The following DIPK1C variants were observed in gnomAD, a reference collection of about 807,000 sequenced individuals.
The protein encoded by DIPK1C is familial non-conventional Alzheimer's dementia.
In DIPK1C, 33 loss-of-function variants were observed where a neutral mutation model predicts 28.0. The observed-to-expected ratio is 1.18, with a 90% CI of 0.89 to 1.58. The LOEUF (loss-of-function observed/expected upper bound fraction) is 1.58, where lower values mean the gene tolerates loss of function less well. Ranked by LOEUF, DIPK1C falls within the 40% of genes most tolerant of loss-of-function variation. DIPK1C has a pLI of 0.00. For missense variants in DIPK1C, 569 were observed against 568.5 expected, an observed-to-expected ratio of 1.00 and a Z score of -0.01; for synonymous variants, 255 against 248.8, an observed-to-expected ratio of 1.02 and a Z score of -0.23.
At chr18:74,442,330 C>CT (rs113419163) in intron 2 of DIPK1C, among the ~76,000 whole-genome samples, 4,180 of 150,836 alleles carry the variant, frequency 0.028, 212 homozygotes, top group African/African-American at 0.096. Context: ...TTTTCTTTTT[C>CT]TTTTTTTTTT....
In DIPK1C at chr18:74,447,154, C is replaced by T. The variant is rs766582622; in HGVS notation, c.328G>A (p.Gly110Ser). The change falls in exon 2 of 4, where the codon GGC (glycine) becomes AGC (serine). Residue 110 changes from glycine to serine, a missense_variant. Gly to Ser is a moderately conservative substitution (Grantham distance 56). Transcript: ENST00000343998. This position sits in a 1 kb window ranked among gnomAD's most constrained non-coding sequence, Gnocchi z 4.1. ...TTGGACTTGAGGACCACGGGCCGGCCGCGCCAGTCGGCCTGCAGCACCTTC... is the reference window on the plus strand; with the variant it reads ...TTGGACTTGAGGACCACGGGCCGGCTGCGCCAGTCGGCCTGCAGCACCTTC... ...GKKVLQADWR[G>S]RPVVLKSKEE... 1.4e-5 allele frequency: 21 copies of T among 1,550,448 alleles called. No individual in the cohort carries two copies. Among genetic ancestry groups the T allele is most frequent in the African/African-American group, 4.1e-5 (3 of 73,068 alleles).
rs547751278 is a variant in DIPK1C, at chr18:74,452,003, G to C, written c.199-4720C>G. The stretch of plus-strand genomic sequence containing the variant: ...CTCAGAACACTTACGTCAGCCTATG[G>C]CAGGGCAAAATCATCTCATACAAAG... On this transcript the variant is annotated intron_variant, in intron 1 of 3. Coordinates refer to ENST00000343998, the MANE Select transcript of DIPK1C (RefSeq NM_001044369.3). Among the ~76,000 whole-genome samples the C allele has an allele frequency of 2.6e-5, 4 of 152,282 alleles. 1 individual carries two copies. The highest frequency in any genetic ancestry group is 9.6e-5 in the African/African-American group (4 of 41,562).
intron 2 of DIPK1C, among the ~76,000 whole-genome samples, chr18:74,443,187 T>C (rs933786300): frequency 2.0e-5 from 3 of 152,256 alleles, no homozygotes; most frequent in East Asian, 3.9e-4. Context: ...CAAACAGACT[T>C]CAAAACCAGA....
In DIPK1C at chr18:74,440,069, C is replaced by T. The variant is rs1409746531; in HGVS notation, c.1041+1883G>A. On this transcript the variant is annotated intron_variant, in intron 3 of 3. Coordinates refer to ENST00000343998, the MANE Select transcript of DIPK1C (RefSeq NM_001044369.3). ...ACGCCATTCTCCTGCCTCAGCCTCCCGAGTAGCTGGGACTGCAGGCGCCCG... is the reference window on the plus strand; with the variant it reads ...ACGCCATTCTCCTGCCTCAGCCTCCTGAGTAGCTGGGACTGCAGGCGCCCG... Among the ~76,000 whole-genome samples the T allele has an allele frequency of 4.0e-5, 6 of 151,786 alleles. No homozygotes were observed. The East Asian group carries it at 7.8e-4, about 20-fold the overall frequency.
In DIPK1C at chr18:74,447,073, C is replaced by T; in HGVS notation, c.409G>A (p.Glu137Lys). 1 of 1,550,414 alleles carries T rather than the reference C, an allele frequency of 6.4e-7. No individual in the cohort carries two copies. The highest frequency in any genetic ancestry group is 8.7e-7 in the Non-Finnish European group (1 of 1,146,932). The part of the protein sequence containing the change: ...PLSLLEEEAG[E>K]GGQDMPEAEL... ...GCCTCGGGCATGTCCTGGCCACCCT[C>T]CCCTGCCTCCTCTTCCAACAGGCTG... is the stretch of plus-strand genomic sequence containing the variant. Residue 137 changes from glutamate (E) to lysine (K), a missense_variant, in exon 2 of 4, where the codon GAG becomes AAG. Transcript: ENST00000343998. This position sits in a 1 kb window ranked among gnomAD's most constrained non-coding sequence, Gnocchi z 4.1.
the DIPK1C span, among the ~76,000 whole-genome samples, chr18:74,463,770 C>T: frequency 1.2e-4 from 18 of 152,318 alleles, no homozygotes; most frequent in East Asian, 7.7e-4. Context: ...CAGCAAATAA[C>T]GTGCAACTCT....
At chr18:74,440,758 T>A (rs1331453221) in intron 3 of DIPK1C, among the ~76,000 whole-genome samples, 1 of 152,238 alleles carries the variant, frequency 6.6e-6, no homozygotes, top group Non-Finnish European at 1.5e-5. Context: ...GTTCCCATTT[T>A]GAGGGTTGGG....
At chr18:74,449,144 A>G (rs1362561626) in intron 1 of DIPK1C, among the ~76,000 whole-genome samples, 7 of 152,118 alleles carry the variant, frequency 4.6e-5, no homozygotes, top group Non-Finnish European at 1.0e-4. Flanking sequence ...GCCTCTGAAA[A>G]CTACGAGTTT....
At chr18:74,455,121 A>G (rs1041114733) in intron 1 of DIPK1C, among the ~76,000 whole-genome samples, 4 of 152,166 alleles carry the variant, frequency 2.6e-5, no homozygotes, top group Admixed American at 1.3e-4. Flanking sequence ...ATGATTCCAT[A>G]TGGCTGCCAT....
At chr18:74,450,818 C>G (rs1206327552) in intron 1 of DIPK1C, among the ~76,000 whole-genome samples, 1 of 152,378 alleles carries the variant, frequency 6.6e-6, no homozygotes. Context: ...TTCGAAATTC[C>G]TAAATGACAT....
At chr18:74,448,660 G>C (rs952323834) in intron 1 of DIPK1C, among the ~76,000 whole-genome samples, 3 of 152,150 alleles carry the variant, frequency 2.0e-5, no homozygotes, top group Non-Finnish European at 4.4e-5. Flanking sequence ...CGAGCACCAG[G>C]CATCAGGAGA....
At chr18:74,438,058 G>C (rs1476085270) in intron 3 of DIPK1C, among the ~76,000 whole-genome samples, 2 of 152,044 alleles carry the variant, frequency 1.3e-5, no homozygotes, top group African/African-American at 4.8e-5. Flanking sequence ...TGCCTGGCTA[G>C]TTTTTGTATA....
At chr18:74,443,076 G>C (rs1986180225) in intron 2 of DIPK1C, among the ~76,000 whole-genome samples, 1 of 152,176 alleles carries the variant, frequency 6.6e-6, no homozygotes, top group African/African-American at 2.4e-5. Flanking sequence ...AATTAGGACT[G>C]ATACGCAGAG....
intron 3 of DIPK1C, among the ~76,000 whole-genome samples, chr18:74,439,641 C>T (rs1347071936): frequency 6.6e-6 from 1 of 151,922 alleles, no homozygotes; most frequent in East Asian, 1.9e-4. Context: ...CATAGTGAGA[C>T]CATGTCTCTG....
In DIPK1C at chr18:74,446,965, G is replaced by A; in HGVS notation, c.517C>T (p.Pro173Ser). The change falls in exon 2 of 4, where the codon CCG becomes TCG. Residue 173 changes from proline (P) to serine (S), a missense_variant. Pro to Ser is a moderately conservative substitution (Grantham distance 74, BLOSUM62 -1). Coordinates refer to ENST00000343998, the MANE Select transcript of DIPK1C (RefSeq NM_001044369.3). ...LSNSSLGPWW[P>S]GRRGPRWRGQ... The stretch of plus-strand genomic sequence containing the variant: ...CGCCAGCGTGGGCCCCGCCTGCCCG[G>A]CCACCACGGCCCCAGGCTGCTGTTG... 1 of 1,508,660 alleles carries A rather than the reference G, an allele frequency of 6.6e-7. No homozygotes were observed. 93.5% of individuals were successfully genotyped at this position (1,508,660 alleles called of 1,614,324 possible). A position where few individuals can be genotyped will look rare whatever the true frequency, so the allele number is the denominator to read the frequency against.
At chr18:74,456,577 T>C (rs979268974) in intron 1 of DIPK1C, among the ~76,000 whole-genome samples, 1 of 152,018 alleles carries the variant, frequency 6.6e-6, no homozygotes, top group African/African-American at 2.4e-5. Flanking sequence ...CTCGGTGAGA[T>C]AGGGGGTGAC....
chr18:74,459,335 G>A (rs1311237712), upstream of DIPK1C, among the ~76,000 whole-genome samples: 2 of 152,172 alleles, frequency 1.3e-5, no homozygotes, highest in Non-Finnish European at 2.9e-5. Flanking sequence ...TTAAAAATCC[G>A]TTATGAAGCC....
Position 74,442,095 on chromosome 18 carries a change from T to C in DIPK1C, c.898A>G (p.Met300Val), listed in dbSNP as rs1486021870. ...CTCATTTTAGGTTCAAAAAAGGCCA[T>C]GTCCACATCAATAGCCACCACCTGT... ...DFTVVAIDVD[M>V]AFFEPKMREI... Residue 300 changes from methionine (M) to valine (V), a missense_variant, in exon 3 of 4, where the codon ATG becomes GTG. Physicochemically the swap from Met to Val is conservative, Grantham distance 21. Coordinates refer to ENST00000343998, the MANE Select transcript of DIPK1C (RefSeq NM_001044369.3). The C allele has an allele frequency of 9.9e-6, 16 of 1,614,034 alleles. No homozygotes were observed. Among genetic ancestry groups the C allele is most frequent in the Non-Finnish European group, 1.4e-5 (16 of 1,180,026 alleles).
At chr18:74,443,683 A>C (rs938523623) in intron 2 of DIPK1C, among the ~76,000 whole-genome samples, 1 of 152,200 alleles carries the variant, frequency 6.6e-6, no homozygotes, top group Non-Finnish European at 1.5e-5. Context: ...AGGTGCTGTA[A>C]ACAACTTCTC....
Sources: allele counts gnomAD v4.1 joint callset (sites outside exome capture counted in the v4.1 genomes callset), GRCh38; gene constraint gnomAD v4.1.1; non-coding constraint Gnocchi (gnomAD v3.1); transcripts MANE v1.5; gene names NCBI Gene and HGNC (gene_info 2026-07-23, HGNC 2026-07-21).